SUZ12: variants seen among roughly 807,000 people sequenced by gnomAD.
SUZ12 encodes SUZ12 polycomb repressive complex 2 subunit.
A neutral mutation model predicts 87.3 loss-of-function variants in SUZ12; 17 were observed. That is an observed-to-expected ratio of 0.19 (90% CI 0.13 to 0.29). The LOEUF (loss-of-function observed/expected upper bound fraction) is 0.29. SUZ12 is among the 10% of genes least tolerant of loss of function. SUZ12 has a pLI of 1.00. For missense variants in SUZ12, 526 were observed against 912.2 expected (o/e 0.58, Z 5.45); for synonymous variants, 253 against 312.4 (o/e 0.81, Z 2.01).
At chr17:31,955,711 G>T (rs1408810605) in intron 4 of SUZ12, among the ~76,000 whole-genome samples, 2 of 151,726 alleles carry the variant, frequency 1.3e-5, no homozygotes, top group African/African-American at 4.8e-5. Flanking sequence ...TCGCGCCATT[G>T]CACTCCAGCA....
intron 10 of SUZ12, among the ~76,000 whole-genome samples, chr17:31,989,900 T>C (rs1909626295): frequency 2.6e-5 from 4 of 151,056 alleles, no homozygotes; most frequent in Admixed American, 2.0e-4. Context: ...CGAGCCACTG[T>C]GCCCAGCCCA....
In SUZ12 at chr17:31,949,639, A is replaced by G. The variant is rs113184847; in HGVS notation, c.455+1954A>G. ...CAGCCTCCCAATTATCTAGGATTAC[A>G]GGCACCTGCCACCACACCCAGCCCC... On this transcript the variant is annotated intron_variant, in intron 4 of 15. Transcript: ENST00000322652. Among the ~76,000 whole-genome samples the G allele has an allele frequency of 1.6e-3, 151 of 93,624 alleles. 1 individual carries two copies. The highest frequency in any genetic ancestry group is 4.4e-3 in the South Asian group (11 of 2,502). The allele number at this position is 93,624 out of a possible 152,430, so 61.4% of individuals were successfully genotyped here.
intron 3 of SUZ12, among the ~76,000 whole-genome samples, chr17:31,942,629 G>A (rs529043594): frequency 7.2e-5 from 11 of 152,152 alleles, no homozygotes; most frequent in East Asian, 1.9e-4. Context: ...GAGCCACAGC[G>A]CCCGGCCTTG....
At position 31,937,027 on chromosome 17, in the gene SUZ12, T is replaced by C. The variant is rs1343050536; in HGVS notation, c.-220T>C. The C allele has an allele frequency of 4.8e-6, 2 of 414,294 alleles. No homozygotes were observed. The highest frequency in any genetic ancestry group is 4.6e-5 in the Admixed American group (1 of 21,768). The allele number at this position is 414,294 out of a possible 1,614,324, so 25.7% of individuals were successfully genotyped here. A position where few individuals can be genotyped will look rare whatever the true frequency, so the allele number is the denominator to read the frequency against. On this transcript the variant is annotated 5_prime_UTR_variant, in exon 1 of 16. Transcript: ENST00000322652. The stretch of plus-strand genomic sequence containing the variant: ...TGGGCGGAGCGAGGCCAGGGTAGGG[T>C]GAGCGGCCTCCGAAGCGGAGCGGGG...
intron 4 of SUZ12, among the ~76,000 whole-genome samples, chr17:31,960,753 A>T: frequency 6.7e-6 from 1 of 150,186 alleles, no homozygotes; most frequent in Non-Finnish European, 1.5e-5. Flanking sequence ...AATTTTTTGT[A>T]TTTTTAGTAG....
chr17:31,945,487 G>A lies in SUZ12; in HGVS notation c.387-2130G>A, dbSNP rs919752188. Reference sequence around the variant, plus strand: ...TATTGAATCCATTTTGCTAGATTTCGTGTGAGCTGTTTCTGAAGTCTCCCA... The same window carrying A: ...TATTGAATCCATTTTGCTAGATTTCATGTGAGCTGTTTCTGAAGTCTCCCA... On this transcript the variant is annotated intron_variant, in intron 3 of 15. Transcript: ENST00000322652. Among the ~76,000 whole-genome samples, 11 of 152,240 alleles carry A rather than the reference G, an allele frequency of 7.2e-5. 1 individual carries two copies. Among genetic ancestry groups the A allele is most frequent in the African/African-American group, 7.2e-5 (3 of 41,552 alleles).
intron 4 of SUZ12, among the ~76,000 whole-genome samples, chr17:31,949,140 C>A (rs943422570): frequency 2.0e-5 from 3 of 152,184 alleles, no homozygotes; most frequent in Non-Finnish European, 2.9e-5. Flanking sequence ...GGTTTACCTT[C>A]ACTACTAAAC....
At chr17:31,988,550 C>A in intron 10 of SUZ12, 53 bp downstream of exon 10, 15 of 1,446,302 alleles carry the variant, frequency 1.0e-5, no homozygotes, top group South Asian at 1.4e-5. Context: ...AGAGTTAGGT[C>A]TTGTGCTTTA....
At chr17:31,974,696 T>G (rs1908638771) in intron 6 of SUZ12, among the ~76,000 whole-genome samples, 1 of 152,124 alleles carries the variant, frequency 6.6e-6, no homozygotes, top group Admixed American at 6.6e-5. Flanking sequence ...CTCCGGAGCG[T>G]AAGACCTGGG....
chr17:31,969,604 CTA>C (rs1329145202), intron 5 of SUZ12, among the ~76,000 whole-genome samples: 3 of 152,088 alleles, frequency 2.0e-5, no homozygotes, highest in African/African-American at 4.8e-5. Flanking sequence ...TTGAAAATAA[CTA>C]TTCTATTTTA....
chr17:31,989,765 A>ATTTTTTTTTTTTTTTTTTTT, intron 10 of SUZ12, among the ~76,000 whole-genome samples: 1 of 129,862 alleles, frequency 7.7e-6, no homozygotes, highest in Non-Finnish European at 1.7e-5. Context: ...CGACCAGCTA[A>ATTTTTTTTTTTTTTTTTTTT]TTTTTTTTTT....
rs746893649 is a variant in SUZ12, at chr17:31,937,428, C to T, written c.182C>T (p.Ala61Val). Residue 61 changes from alanine to valine, a missense_variant, in exon 1 of 16, where the codon GCG becomes GTG. Transcript: ENST00000322652. ...SYSASSSSSAAAAAGAAVLPV... is the reference protein window; with the variant it reads ...SYSASSSSSAVAAAGAAVLPV... ...TCGGCCTCCTCCTCCTCCTCCGCGGCGGCAGCGGCGGGGGCTGCGGTGTTA... is the reference window on the plus strand; with the variant it reads ...TCGGCCTCCTCCTCCTCCTCCGCGGTGGCAGCGGCGGGGGCTGCGGTGTTA... 6.5e-7 allele frequency: 1 copy of T among 1,542,666 alleles called. No homozygotes were observed. The highest frequency in any genetic ancestry group is 2.2e-4 in the Middle Eastern group (1 of 4,556).
intron 1 of SUZ12, among the ~76,000 whole-genome samples, chr17:31,939,523 AT>A (rs200521374): frequency 1.3e-3 from 179 of 140,458 alleles, no homozygotes; most frequent in East Asian, 4.3e-3. Flanking sequence ...GCTGACTACA[AT>A]TTTTTTTTTT....
At chr17:31,973,357 G>T (rs918755621) in intron 6 of SUZ12, 126 bp downstream of exon 6, 17 of 735,948 alleles carry the variant, frequency 2.3e-5, no homozygotes, top group Admixed American at 1.8e-4. Flanking sequence ...ATGTGTTGAT[G>T]GCCTAATTAT....
intron 5 of SUZ12, among the ~76,000 whole-genome samples, chr17:31,969,080 G>C (rs936320215): frequency 6.6e-6 from 1 of 152,276 alleles, no homozygotes; most frequent in Middle Eastern, 3.4e-3. Context: ...AGGTTCAAGT[G>C]ATTCTCATGC....
At chr17:31,938,838 G>C (rs903319574) in intron 1 of SUZ12, among the ~76,000 whole-genome samples, 1 of 152,144 alleles carries the variant, frequency 6.6e-6, no homozygotes, top group African/African-American at 2.4e-5. Context: ...AACTATTTGC[G>C]TTCTGATGAG....
Position 31,955,470 on chromosome 17 carries a change from G to C in SUZ12, c.455+7785G>C, listed in dbSNP as rs557257722. Among the ~76,000 whole-genome samples the C allele has an allele frequency of 2.6e-5, 4 of 151,562 alleles. No homozygotes were observed. In the East Asian group the frequency reaches 7.7e-4, roughly 29 times the overall value. Reference sequence around the variant, plus strand: ...GATGATTTTGTAAAATTTTGTAGCCGGGGCACGGTGACTCATGCCTGTAGT... The same window carrying C: ...GATGATTTTGTAAAATTTTGTAGCCCGGGCACGGTGACTCATGCCTGTAGT... On this transcript the variant is annotated intron_variant, in intron 4 of 15. Coordinates refer to ENST00000322652, the MANE Select transcript of SUZ12 (RefSeq NM_015355.4).
intron 10 of SUZ12, 99 bp downstream of exon 10, chr17:31,988,596 TC>T (rs1185928721): frequency 6.5e-6 from 8 of 1,225,950 alleles, no homozygotes; most frequent in African/African-American, 3.2e-5. Context: ...ATGTGATTCT[TC>T]TTTTTTTTTT....
At chr17:31,939,667 G>A (rs948889576) in intron 1 of SUZ12, among the ~76,000 whole-genome samples, 2 of 152,050 alleles carry the variant, frequency 1.3e-5, no homozygotes, top group Admixed American at 1.3e-4. Context: ...GGGATTACAG[G>A]CATGCGCCGC....
Sources: gnomAD v4.1 joint callset for allele counts (sites outside exome capture counted in the v4.1 genomes callset) on GRCh38, gnomAD v4.1.1 for gene constraint, MANE v1.5 for transcripts, NCBI Gene and HGNC (gene_info 2026-07-23, HGNC 2026-07-21) for gene names.